The following CDC7 variants were observed in gnomAD, a reference collection of about 807,000 sequenced individuals.
CDC7 encodes cell division cycle 7, also known as cell division cycle 7-related protein kinase.
A neutral mutation model predicts 53.5 loss-of-function variants in CDC7; 34 were observed. The observed-to-expected ratio is 0.64, with a 90% CI of 0.48 to 0.85. CDC7 has a LOEUF of 0.85. Among genes scored for constraint, CDC7 ranks in the 40% least tolerant of loss-of-function variants. The probability of loss-of-function intolerance (pLI) is 0.00; values close to 1 mark genes in which losing one functional copy is unlikely to be tolerated. For missense variants in CDC7, 594 were observed against 679.7 expected, an observed-to-expected ratio of 0.87 and a Z score of 1.40; for synonymous variants, 211 against 222.8, an observed-to-expected ratio of 0.95 and a Z score of 0.47.
intron 2 of CDC7, among the ~76,000 whole-genome samples, chr1:91,502,356 C>CA (rs570761140): frequency 1.4e-3 from 208 of 152,242 alleles, no homozygotes; most frequent in African/African-American, 4.7e-3. Flanking sequence ...CGCATGTGTA[C>CA]CTTCATTTCT....
intron 10 of CDC7, among the ~76,000 whole-genome samples, chr1:91,519,554 T>G (rs2102396512): frequency 6.6e-6 from 1 of 152,306 alleles, no homozygotes; most frequent in East Asian, 1.9e-4. Flanking sequence ...TCAAAACATC[T>G]TATATACCCC....
intron 11 of CDC7, among the ~76,000 whole-genome samples, chr1:91,521,970 T>C (rs1667971203): frequency 6.6e-6 from 1 of 151,870 alleles, no homozygotes; most frequent in Non-Finnish European, 1.5e-5. Flanking sequence ...ACCGAGACCA[T>C]CCTGGCCAAC....
At position 91,508,286 on chromosome 1, in the gene CDC7, C is replaced by T; in HGVS notation, c.224C>T (p.Ala75Val). Residue 75 changes from alanine to valine, a missense_variant, in exon 4 of 12, where the codon GCC (alanine) becomes GTC (valine). Transcript: ENST00000234626. ...GGCACTTTCAGCTCTGTTTATTTGG[C>T]CACAGCACAGTTACAAGTAGGACCT... ...GEGTFSSVYL[A>V]TAQLQVGPEE... 6.2e-7 allele frequency: 1 copy of T among 1,609,058 alleles called. No homozygotes were observed. The highest frequency in any genetic ancestry group is 8.5e-7 in the Non-Finnish European group (1 of 1,177,712).
chr1:91,501,974 G>C lies in CDC7; in HGVS notation c.115+143G>C. On this transcript the variant is annotated intron_variant, in intron 2 of 11. Transcript: ENST00000234626. The stretch of plus-strand genomic sequence containing the variant: ...TAGGACAGTGTTAAAACAGAGCTTC[G>C]TATGATCTAAATGTAGGACTGAATT... 4.5e-6 allele frequency: 3 copies of C among 663,716 alleles called. No individual in the cohort carries two copies. The South Asian group carries it at 5.8e-5, about 13-fold the overall frequency. The allele number at this position is 663,716 out of a possible 1,614,324, so 41.1% of individuals were successfully genotyped here.
At chr1:91,510,751 T>C (rs1183447334) in intron 4 of CDC7, among the ~76,000 whole-genome samples, 2 of 152,208 alleles carry the variant, frequency 1.3e-5, no homozygotes, top group East Asian at 3.8e-4. Flanking sequence ...ATATTTTCCT[T>C]CCTTCTGTTT....
intron 11 of CDC7, 72 bp downstream of exon 11, chr1:91,520,351 T>C: frequency 8.2e-7 from 1 of 1,223,340 alleles, no homozygotes; most frequent in Non-Finnish European, 1.1e-6. Context: ...TAATAAATTA[T>C]TGTGAAATTT....
At chr1:91,503,095 A>G (rs2102318940) in intron 2 of CDC7, among the ~76,000 whole-genome samples, 2 of 152,288 alleles carry the variant, frequency 1.3e-5, no homozygotes, top group Non-Finnish European at 2.9e-5. Context: ...TTGTGACTTC[A>G]GCAGAGTATC....
intron 5 of CDC7, 25 bp downstream of exon 5, chr1:91,511,715 T>G (rs1667295664): frequency 6.3e-7 from 1 of 1,595,042 alleles, no homozygotes. Flanking sequence ...TTCTTGAATT[T>G]TTATTAGCTA....
rs1667293547 is a variant in CDC7, at chr1:91,511,656, T to C, written c.395T>C (p.Ile132Thr). The change falls in exon 5 of 12, where the codon ATT becomes ACT. Residue 132 changes from isoleucine to threonine, a missense_variant. Physicochemically the swap from Ile to Thr is moderately conservative, Grantham distance 89. Transcript: ENST00000234626. ...YCFRKNDHVV[I>T]AMPYLEHESF... is the part of the protein sequence containing the mutation. ...TTTAGGAAGAATGATCATGTAGTTA[T>C]TGCTATGCCATATCTGGAGCATGAG... 8 of 1,611,222 alleles carry C rather than the reference T, an allele frequency of 5.0e-6. No individual in the cohort carries two copies. The highest frequency in any genetic ancestry group is 1.3e-5 in the African/African-American group (1 of 74,838).
chr1:91,506,739 C>T (rs1667011272), intron 2 of CDC7, among the ~76,000 whole-genome samples: 1 of 152,098 alleles, frequency 6.6e-6, no homozygotes, highest in South Asian at 2.1e-4. Flanking sequence ...CACTTGAGGT[C>T]AGGAGTTCAA....
chr1:91,518,030 G>A (rs1470347317), intron 10 of CDC7, among the ~76,000 whole-genome samples: 1 of 128,344 alleles, frequency 7.8e-6, no homozygotes, highest in African/African-American at 2.9e-5. Context: ...GGAGGCAGAG[G>A]TTACAGTGAG....
At chr1:91,519,823 C>T (rs1667830715) in intron 10 of CDC7, among the ~76,000 whole-genome samples, 1 of 152,160 alleles carries the variant, frequency 6.6e-6, no homozygotes, top group African/African-American at 2.4e-5. Context: ...TGTGCGTTTA[C>T]TTAGTGTTTC....
At chr1:91,501,511 G>C in intron 1 of CDC7, 143 bp from the exon 2 acceptor site, 1 of 526,332 alleles carries the variant, frequency 1.9e-6, no homozygotes, top group Non-Finnish European at 3.4e-6. Context: ...GAATTCCTTA[G>C]ACAAGGCCAC....
At chr1:91,517,594 C>T (rs1667629572) in intron 10 of CDC7, among the ~76,000 whole-genome samples, 1 of 152,096 alleles carries the variant, frequency 6.6e-6, no homozygotes, top group Non-Finnish European at 1.5e-5. Context: ...CCAGCAGAAT[C>T]AAAGTTAAGT....
intron 1 of CDC7, 28 bp from the exon 2 acceptor site, chr1:91,501,626 A>C (rs1666684607): frequency 1.1e-6 from 1 of 918,556 alleles, no homozygotes; most frequent in Non-Finnish European, 1.8e-6. Flanking sequence ...GAGTGATCTA[A>C]ATTTCTCTAG....
Position 91,511,638 on chromosome 1 carries a change from A to G in CDC7, c.377A>G (p.Lys126Arg). 1 of 1,611,380 alleles carries G rather than the reference A, an allele frequency of 6.2e-7. No individual in the cohort carries two copies. Among genetic ancestry groups the G allele is most frequent in the Non-Finnish European group, 8.5e-7 (1 of 1,178,002 alleles). ...NVMGVKYCFR[K>R]NDHVVIAMPY... ...ATGGGAGTTAAATACTGCTTTAGGA[A>G]GAATGATCATGTAGTTATTGCTATG... The change falls in exon 5 of 12, where the codon AAG (lysine) becomes AGG (arginine). Residue 126 changes from lysine (K) to arginine (R), a missense_variant. By Grantham distance (26) the Lys-to-Arg change is conservative. Coordinates refer to ENST00000234626, the MANE Select transcript of CDC7 (RefSeq NM_003503.4).
At chr1:91,513,459 TA>T (rs1281745446) in intron 7 of CDC7, 152 bp downstream of exon 7, 12 of 596,756 alleles carry the variant, frequency 2.0e-5, no homozygotes, top group Admixed American at 1.3e-4. Flanking sequence ...AAATTTTCAC[TA>T]AGATTTGTAC....
chr1:91,520,051 A>G lies in CDC7; in HGVS notation c.1181-79A>G, dbSNP rs960022809. The G allele has an allele frequency of 3.0e-5, 35 of 1,172,822 alleles. No homozygotes were observed. In the East Asian group the frequency reaches 4.1e-4, roughly 14 times the overall value. 72.7% of individuals were successfully genotyped at this position (1,172,822 alleles called of 1,614,324 possible). On this transcript the variant is annotated intron_variant, in intron 10 of 11. Coordinates refer to ENST00000234626, the MANE Select transcript of CDC7 (RefSeq NM_003503.4). ...GCTCCCAAGGTGATTCTAATGCATAATAAATGTTGAGGACTATTGATTTAG... is the reference window on the plus strand; with the variant it reads ...GCTCCCAAGGTGATTCTAATGCATAGTAAATGTTGAGGACTATTGATTTAG...
chr1:91,521,441 C>T (rs1468706822), intron 11 of CDC7, among the ~76,000 whole-genome samples: 1 of 152,140 alleles, frequency 6.6e-6, no homozygotes, highest in Non-Finnish European at 1.5e-5. Flanking sequence ...TTAATAGAGG[C>T]TTGCCAAAAT....
Sources: allele counts gnomAD v4.1 joint callset (sites outside exome capture counted in the v4.1 genomes callset), GRCh38; gene constraint gnomAD v4.1.1; transcripts MANE v1.5; gene names NCBI Gene and HGNC (gene_info 2026-07-23, HGNC 2026-07-21).